Variants in ADAMTSL1 observed in about 807,000 individuals in gnomAD.
The protein encoded by ADAMTSL1 is ADAMTS-like protein 1.
ADAMTSL1 carries 126 observed loss-of-function variants against 201.8 expected under a neutral mutation model. The observed-to-expected ratio is 0.62, with a 90% CI of 0.54 to 0.72. The LOEUF (loss-of-function observed/expected upper bound fraction) is 0.72, where lower values mean the gene tolerates loss of function less well. Among genes scored for constraint, ADAMTSL1 ranks in the 30% least tolerant of loss-of-function variants. ADAMTSL1 has a pLI of 0.00. For synonymous variants in ADAMTSL1, 1,121 were observed against 903.4 expected (o/e 1.24, Z -4.32); for missense variants, 2,679 against 2,277.8 (o/e 1.18, Z -3.59).
intron 7 of ADAMTSL1, 58 bp downstream of exon 7, chr9:18,639,469 A>G (rs1827310125): frequency 6.4e-7 from 1 of 1,574,726 alleles, no homozygotes; most frequent in African/African-American, 1.4e-5. Context: ...GTTACTTATA[A>G]TTTCCTGAGC....
rs773037108 is a variant in ADAMTSL1, at chr9:18,657,659, T to C, written c.855T>C (p.Ala285=). 2.5e-5 allele frequency: 40 copies of C among 1,614,094 alleles called. No homozygotes were observed. Among genetic ancestry groups the C allele is most frequent in the Non-Finnish European group, 3.4e-5 (40 of 1,180,024 alleles). The change falls in exon 8 of 29, where the codon GCT becomes GCC. Residue 285 remains alanine (A), a synonymous_variant. Transcript: ENST00000380548. ...FIVKIRNSGS[A]DSTVQFIFYQ... ...TGCAGATTCGTAACTCGGGCTCCGC[T>C]GACAGTACAGTCCAGTTCATCTTCT...
Position 18,753,499 on chromosome 9 carries a change from G to C in ADAMTSL1, c.2208G>C (p.Gln736His), listed in dbSNP as rs1190921583. ...FNCPPAWYPA[Q>H]WQPCSRTCGG... ...GCCCCCCAGCCTGGTACCCTGCACA[G>C]TGGCAGCCGGTGAGTTCTGAAGTTA... The change falls in exon 16 of 29, where the codon CAG becomes CAC. Residue 736 changes from glutamine (Q) to histidine (H), a missense_variant. By Grantham distance (24) the Gln-to-His change is conservative. Coordinates refer to ENST00000380548, the MANE Select transcript of ADAMTSL1 (RefSeq NM_001040272.6). 10 of 1,610,726 alleles carry C rather than the reference G, an allele frequency of 6.2e-6. No individual in the cohort carries two copies. The highest frequency in any genetic ancestry group is 6.8e-6 in the Non-Finnish European group (8 of 1,179,226).
At position 18,173,123 on chromosome 9, in the gene ADAMTSL1, C is replaced by G. The variant is rs552298737; in HGVS notation, c.207+9142C>G. On this transcript the variant is annotated intron_variant, in intron 2 of 29. Transcript: ENST00000680146. ...TGGCTAGTGGTTGCACACATATTTGCTTCATTATTTCAGTGTGCTTTAATG... is the reference window on the plus strand; with the variant it reads ...TGGCTAGTGGTTGCACACATATTTGGTTCATTATTTCAGTGTGCTTTAATG... Among the ~76,000 whole-genome samples the G allele has an allele frequency of 2.0e-5, 3 of 152,144 alleles. No homozygotes were observed. The East Asian group carries it at 5.8e-4, about 29-fold the overall frequency.
At chr9:17,973,604 C>T (rs527540201) in intron 1 of ADAMTSL1, among the ~76,000 whole-genome samples, 16 of 81,932 alleles carry the variant, frequency 2.0e-4, no homozygotes, top group African/African-American at 5.7e-4. Flanking sequence ...AGCGTGATGC[C>T]TCCAGCTTTG....
intron 2 of ADAMTSL1, among the ~76,000 whole-genome samples, chr9:18,228,265 C>T (rs949413230): frequency 6.6e-6 from 1 of 152,096 alleles, no homozygotes; most frequent in Non-Finnish European, 1.5e-5. Context: ...GGATAACAAG[C>T]TAGAAAAGTC....
intron 4 of ADAMTSL1, among the ~76,000 whole-genome samples, chr9:18,578,960 T>G (rs1822911754): frequency 6.6e-6 from 1 of 151,588 alleles, no homozygotes; most frequent in South Asian, 2.1e-4. Flanking sequence ...GGTTTTGATT[T>G]GCATTTCTCT....
At chr9:17,961,422 A>G (rs571364828) in intron 1 of ADAMTSL1, among the ~76,000 whole-genome samples, 63 of 151,846 alleles carry the variant, frequency 4.1e-4, no homozygotes, top group Non-Finnish European at 7.7e-4. Flanking sequence ...CTAATTTCGT[A>G]TATTTTTTAG....
intron 2 of ADAMTSL1, among the ~76,000 whole-genome samples, chr9:18,468,775 G>T (rs946203486): frequency 4.6e-5 from 7 of 152,302 alleles, no homozygotes; most frequent in Admixed American, 2.6e-4. Context: ...ACTGACTGGG[G>T]TCACAGATTT....
chr9:17,952,601 A>G (rs1265271331), intron 1 of ADAMTSL1, among the ~76,000 whole-genome samples: 1 of 151,336 alleles, frequency 6.6e-6, no homozygotes, highest in Non-Finnish European at 1.5e-5. Context: ...TTATTCATTT[A>G]TTTATTTTTG....
intron 2 of ADAMTSL1, among the ~76,000 whole-genome samples, chr9:18,183,801 C>T (rs183747444): frequency 7.2e-5 from 11 of 152,216 alleles, no homozygotes; most frequent in Admixed American, 3.3e-4. Context: ...TGACATTGGA[C>T]GTAACTTTAC....
chr9:18,075,673 G>A (rs972953225), intron 1 of ADAMTSL1, among the ~76,000 whole-genome samples: 1 of 152,152 alleles, frequency 6.6e-6, no homozygotes, highest in African/African-American at 2.4e-5. Flanking sequence ...AGCCAACATC[G>A]GAAAATGGAT....
intron 2 of ADAMTSL1, among the ~76,000 whole-genome samples, chr9:18,375,463 T>C (rs1454543561): frequency 2.6e-5 from 4 of 152,240 alleles, no homozygotes; most frequent in Non-Finnish European, 5.9e-5. Context: ...ATCATTTTTT[T>C]TGTCTGATTT....
Position 18,318,435 on chromosome 9 carries a change from C to T in ADAMTSL1, c.207+154454C>T, listed in dbSNP as rs184864589. On this transcript the variant is annotated intron_variant, in intron 2 of 29. Transcript: ENST00000680146. ...CACACCAGACCCACTGAATCAAAAA[C>T]TCAATTCTGAGTAGCAGTAATCTAC... is the stretch of plus-strand genomic sequence containing the variant. 2.0e-4 allele frequency among the ~76,000 whole-genome samples: 30 copies of T among 152,342 alleles called. No homozygotes were observed. The East Asian group carries it at 4.6e-3, about 23-fold the overall frequency.
At chr9:18,198,452 A>C (rs1173605788) in intron 2 of ADAMTSL1, among the ~76,000 whole-genome samples, 1 of 149,920 alleles carries the variant, frequency 6.7e-6, no homozygotes, top group Non-Finnish European at 1.5e-5. Context: ...GGCGAAGGAC[A>C]TGAACAGACA....
intron 3 of ADAMTSL1, among the ~76,000 whole-genome samples, chr9:18,551,510 G>C (rs1820797584): frequency 6.7e-6 from 1 of 149,386 alleles, no homozygotes; most frequent in Non-Finnish European, 1.5e-5. Context: ...TATGAGAAGA[G>C]ATTTTCTTTG....
In ADAMTSL1 at chr9:18,291,708, CTCTCTCTT is replaced by C. The variant is rs1428844003; in HGVS notation, c.207+127735_207+127742del. On this transcript the variant is annotated intron_variant, in intron 2 of 29. Coordinates refer to the ADAMTSL1 transcript ENST00000680146. ...TCGGGTGCGCACATGCTCTCTCTCT[CTCTCTCTT>C]TCTCTCTCTCTCTCTCTCTCTCTCT... 1.8e-3 allele frequency among the ~76,000 whole-genome samples: 245 copies of C among 136,250 alleles called. 1 individual carries two copies. The highest frequency in any genetic ancestry group is 6.8e-3 in the African/African-American group (226 of 33,304). 89.4% of individuals were successfully genotyped at this position (136,250 alleles called of 152,430 possible).
intron 1 of ADAMTSL1, among the ~76,000 whole-genome samples, chr9:18,102,329 T>C (rs996728528): frequency 2.0e-5 from 3 of 152,218 alleles, no homozygotes; most frequent in Non-Finnish European, 2.9e-5. Flanking sequence ...AATATAAAAG[T>C]CTGAAAATTA....
chr9:17,984,515 G>A (rs549464782), intron 1 of ADAMTSL1, among the ~76,000 whole-genome samples: 3 of 152,122 alleles, frequency 2.0e-5, no homozygotes, highest in African/African-American at 7.2e-5. Context: ...TATGAAGTAT[G>A]TACCAATTGA....
At chr9:18,030,974 A>G (rs916370413) in intron 1 of ADAMTSL1, among the ~76,000 whole-genome samples, 5 of 152,060 alleles carry the variant, frequency 3.3e-5, no homozygotes, top group Admixed American at 6.6e-5. Flanking sequence ...TTTCAATTGT[A>G]TTTTAAAATT....
Sources: gnomAD v4.1 joint callset for allele counts (sites outside exome capture counted in the v4.1 genomes callset) on GRCh38, gnomAD v4.1.1 for gene constraint, MANE v1.5 for transcripts, NCBI Gene and HGNC (gene_info 2026-07-23, HGNC 2026-07-21) for gene names.